NR2F6: variants seen among roughly 807,000 people sequenced by gnomAD.
The protein encoded by NR2F6 is ERBA-related gene-2.
In NR2F6, 16 loss-of-function variants were observed where a neutral mutation model predicts 26.5. The ratio of observed to expected loss-of-function variants is 0.60; its 90% CI spans 0.41 to 0.92. The LOEUF (loss-of-function observed/expected upper bound fraction) is 0.92, where lower values mean the gene tolerates loss of function less well. Ranked by LOEUF, NR2F6 falls within the 40% of genes least tolerant of loss-of-function variation. NR2F6 has a pLI of 0.00. For missense variants in NR2F6, 536 were observed against 631.7 expected (o/e 0.85, Z 1.62); for synonymous variants, 325 against 305.0 (o/e 1.07, Z -0.68).
At chr19:17,237,956 A>G (rs977533615) in intron 2 of NR2F6, among the ~76,000 whole-genome samples, 6 of 152,150 alleles carry the variant, frequency 3.9e-5, no homozygotes, top group Admixed American at 6.6e-5. Flanking sequence ...CCTGGGCAAC[A>G]TAGCGAGACC....
At chr19:17,237,789 TCA>T (rs1381206024) in intron 2 of NR2F6, among the ~76,000 whole-genome samples, 1 of 152,118 alleles carries the variant, frequency 6.6e-6, no homozygotes, top group Non-Finnish European at 1.5e-5. Flanking sequence ...CAAATCCCAA[TCA>T]CAACTCTGTT....
In NR2F6 at chr19:17,245,372, G is replaced by T; in HGVS notation, c.-152C>A. Reference sequence around the variant, plus strand: ...CAAAAAAGTTTTGCAGCAACTTCCTGCGGCCGGTCCTCGCGCCCGGGCGGA... The same window carrying T: ...CAAAAAAGTTTTGCAGCAACTTCCTTCGGCCGGTCCTCGCGCCCGGGCGGA... On this transcript the variant is annotated 5_prime_UTR_variant, in exon 1 of 4. Transcript: ENST00000291442. The surrounding 1 kb of genome is among the most constrained non-coding windows in gnomAD (Gnocchi z 5.0). 1 of 594,314 alleles carries T rather than the reference G, an allele frequency of 1.7e-6. No individual in the cohort carries two copies. The highest frequency in any genetic ancestry group is 2.3e-6 in the Non-Finnish European group (1 of 429,828). 36.8% of individuals were successfully genotyped at this position (594,314 alleles called of 1,614,324 possible).
At position 17,235,327 on chromosome 19, in the gene NR2F6, T is replaced by C. The variant is rs1462898859; in HGVS notation, c.940+172A>G. Among the ~76,000 whole-genome samples, 1 of 152,140 alleles carries C rather than the reference T, an allele frequency of 6.6e-6. No homozygotes were observed. Among genetic ancestry groups the C allele is most frequent in the Non-Finnish European group, 1.5e-5 (1 of 68,012 alleles). The stretch of plus-strand genomic sequence containing the variant: ...TGGGGGTGTCACAGTGTCACACTGC[T>C]TACATCACCCCTCTACAGCCACCCA... On this transcript the variant is annotated intron_variant, in intron 3 of 3. Transcript: ENST00000291442. The surrounding 1 kb of genome is among the most constrained non-coding windows in gnomAD (Gnocchi z 5.0).
intron 2 of NR2F6, among the ~76,000 whole-genome samples, chr19:17,239,680 G>C (rs1402478129): frequency 1.3e-5 from 2 of 151,818 alleles, no homozygotes; most frequent in African/African-American, 4.8e-5. Context: ...TTAGCTGGGC[G>C]TGTTGGCCCG....
At position 17,235,994 on chromosome 19, in the gene NR2F6, A is replaced by G; in HGVS notation, c.445T>C (p.Ser149Pro). Residue 149 changes from serine (S) to proline (P), a missense_variant, in exon 3 of 4, where the codon TCG becomes CCG. Transcript: ENST00000291442. The surrounding 1 kb of genome is among the most constrained non-coding windows in gnomAD (Gnocchi z 5.0). Reference protein sequence around the residue: ...VAASSGSPPGSALAAVASGGD... With the variant: ...VAASSGSPPGPALAAVASGGD... ...CCGCTCGCCACTGCCGCCAGCGCCG[A>G]GCCCGGGGGGCTGCCCGAGGAGGCG... The G allele has an allele frequency of 6.9e-7, 1 of 1,439,340 alleles. No individual in the cohort carries two copies. Among genetic ancestry groups the G allele is most frequent in the Non-Finnish European group, 9.1e-7 (1 of 1,101,082 alleles). The allele number at this position is 1,439,340 out of a possible 1,614,324, so 89.2% of individuals were successfully genotyped here.
At chr19:17,234,910 G>C (rs1223157081) in intron 3 of NR2F6, among the ~76,000 whole-genome samples, 1 of 152,180 alleles carries the variant, frequency 6.6e-6, no homozygotes, top group Non-Finnish European at 1.5e-5. Flanking sequence ...AAATTTGGCT[G>C]TACCGCCAGT....
intron 3 of NR2F6, among the ~76,000 whole-genome samples, chr19:17,234,848 G>A (rs940583855): frequency 1.3e-4 from 20 of 152,058 alleles, no homozygotes; most frequent in African/African-American, 4.6e-4. Flanking sequence ...GACAGGGTGA[G>A]ACCCAGTCTC....
intron 1 of NR2F6, among the ~76,000 whole-genome samples, chr19:17,243,029 T>G (rs1185023854): frequency 6.6e-6 from 1 of 152,220 alleles, no homozygotes; most frequent in African/African-American, 2.4e-5. Context: ...CACCTAGCTC[T>G]GACTTCTCCC....
At chr19:17,243,461 GC>G (rs60528322) in intron 1 of NR2F6, among the ~76,000 whole-genome samples, 2,275 of 151,474 alleles carry the variant, frequency 0.015, 61 homozygotes, top group African/African-American at 0.05. Context: ...TCCAAGCAAG[GC>G]CCCCCCCACC....
At position 17,245,072 on chromosome 19, in the gene NR2F6, G is replaced by C; in HGVS notation, c.149C>G (p.Pro50Arg). The C allele has an allele frequency of 6.3e-7, 1 of 1,594,508 alleles. No individual in the cohort carries two copies. Among genetic ancestry groups the C allele is most frequent in the Non-Finnish European group, 8.5e-7 (1 of 1,172,154 alleles). ...SDAEPGDEER[P>R]GLQVDCVVCG... ...CACCACGCAGTCCACCTGCAGCCCC[G>C]GCCGCTCCTCGTCGCCCGGCTCGGC... The change falls in exon 1 of 4, where the codon CCG becomes CGG. Residue 50 changes from proline to arginine, a missense_variant. Physicochemically the swap from Pro to Arg is moderately radical, Grantham distance 103. Coordinates refer to ENST00000291442, the MANE Select transcript of NR2F6 (RefSeq NM_005234.4). This position sits in a 1 kb window ranked among gnomAD's most constrained non-coding sequence, Gnocchi z 5.0.
In NR2F6 at chr19:17,240,767, TG is replaced by T; in HGVS notation, c.279-3del. 5.0e-6 allele frequency: 8 copies of T among 1,613,758 alleles called. No individual in the cohort carries two copies. Among genetic ancestry groups the T allele is most frequent in the Non-Finnish European group, 6.8e-6 (8 of 1,179,794 alleles). On this transcript the variant is annotated splice_polypyrimidine_tract_variant and splice_region_variant and intron_variant, in intron 1 of 3. Coordinates refer to ENST00000291442, the MANE Select transcript of NR2F6 (RefSeq NM_005234.4). ...TCGATCTGGCAGTCACGGTTGGACC[TG>T]GGGGCACACAGAAGCCAGGGCTCCC...
At position 17,232,216 on chromosome 19, in the gene NR2F6, A is replaced by G; in HGVS notation, c.*136T>C. On this transcript the variant is annotated 3_prime_UTR_variant, in exon 4 of 4. Transcript: ENST00000291442. Reference sequence around the variant, plus strand: ...AAAAAACAGAAAAGACAAACATTTCACAGTCTTTAAAAAATAGAAGTCTGA... The same window carrying G: ...AAAAAACAGAAAAGACAAACATTTCGCAGTCTTTAAAAAATAGAAGTCTGA... 8.5e-7 allele frequency: 1 copy of G among 1,181,200 alleles called. No homozygotes were observed. The highest frequency in any genetic ancestry group is 1.2e-6 in the Non-Finnish European group (1 of 850,894). 73.2% of individuals were successfully genotyped at this position (1,181,200 alleles called of 1,614,324 possible).
intron 2 of NR2F6, among the ~76,000 whole-genome samples, chr19:17,237,394 C>T (rs1466544890): frequency 7.3e-6 from 1 of 136,722 alleles, no homozygotes; most frequent in Non-Finnish European, 1.6e-5. Flanking sequence ...TTCCTTTCTT[C>T]CTCTCTCTCT....
At chr19:17,233,703 C>G (rs975120117) in intron 3 of NR2F6, among the ~76,000 whole-genome samples, 4 of 151,864 alleles carry the variant, frequency 2.6e-5, no homozygotes, top group African/African-American at 9.7e-5. Flanking sequence ...GCTGTGTTGG[C>G]CAGGCTGGTC....
At position 17,235,783 on chromosome 19, in the gene NR2F6, T is replaced by C; in HGVS notation, c.656A>G (p.His219Arg). The change falls in exon 3 of 4, where the codon CAC becomes CGC. Residue 219 changes from histidine to arginine, a missense_variant. By Grantham distance (29) the His-to-Arg change is conservative. Transcript: ENST00000291442. This position sits in a 1 kb window ranked among gnomAD's most constrained non-coding sequence, Gnocchi z 5.0. ...CGGCAGCTCGGGGAAGAAGGGCGCG[T>C]GGCGCGCCCACTCCACGGTGCTGAA... is the stretch of plus-strand genomic sequence containing the variant. Reference protein sequence around the residue: ...LLFSTVEWARHAPFFPELPVA... With the variant: ...LLFSTVEWARRAPFFPELPVA... 6.7e-7 allele frequency: 1 copy of C among 1,496,450 alleles called. No individual in the cohort carries two copies. Among genetic ancestry groups the C allele is most frequent in the Non-Finnish European group, 8.8e-7 (1 of 1,131,610 alleles). 92.7% of individuals were successfully genotyped at this position (1,496,450 alleles called of 1,614,324 possible).
At chr19:17,234,235 A>T in intron 3 of NR2F6, among the ~76,000 whole-genome samples, 1 of 151,848 alleles carries the variant, frequency 6.6e-6, no homozygotes, top group East Asian at 1.9e-4. Context: ...AAAAAAAAAA[A>T]AAAAATCTTC....
chr19:17,244,813 C>T, intron 1 of NR2F6, 130 bp downstream of exon 1: 1 of 1,084,072 alleles, frequency 9.2e-7, no homozygotes, highest in Non-Finnish European at 1.3e-6. Flanking sequence ...GGGTGCTGTG[C>T]CCCTATCTCA....
At chr19:17,239,719 T>C (rs1169609720) in intron 2 of NR2F6, among the ~76,000 whole-genome samples, 1 of 151,622 alleles carries the variant, frequency 6.6e-6, no homozygotes, top group Non-Finnish European at 1.5e-5. Flanking sequence ...CTCGGGAGGC[T>C]GAGGCAGGAC....
rs752853061 is a variant in NR2F6, at chr19:17,240,790, TCCCTGAGA to T, written c.279-33_279-26del. On this transcript the variant is annotated intron_variant, in intron 1 of 3. Transcript: ENST00000291442. ...CCTGGGGGCACACAGAAGCCAGGGC[TCCCTGAGA>T]CCCCCATATCCTCCTCCCCGAACCA... The T allele has an allele frequency of 2.5e-6, 4 of 1,609,876 alleles. No homozygotes were observed. The African/African-American group carries it at 5.3e-5, about 22-fold the overall frequency.
Sources: allele counts gnomAD v4.1 joint callset (sites outside exome capture counted in the v4.1 genomes callset), GRCh38; gene constraint gnomAD v4.1.1; non-coding constraint Gnocchi (gnomAD v3.1); transcripts MANE v1.5; gene names NCBI Gene and HGNC (gene_info 2026-07-23, HGNC 2026-07-21).